Variants in EPM2A observed in about 807,000 individuals in gnomAD.
EPM2A encodes the protein laforin.
In EPM2A, 21 loss-of-function variants were observed where a neutral mutation model predicts 26.5. The observed-to-expected ratio is 0.79, with a 90% CI of 0.56 to 1.14. The LOEUF is 1.14. Ranked by LOEUF, EPM2A falls within the 50% of genes most tolerant of loss-of-function variation. The pLI is 0.00. For synonymous variants in EPM2A, 217 were observed against 177.6 expected, an observed-to-expected ratio of 1.22 and a Z score of -1.76; for missense variants, 458 against 440.8, an observed-to-expected ratio of 1.04 and a Z score of -0.35.
chr6:145,563,523 A>G (rs1780838775), intron 2 of EPM2A, among the ~76,000 whole-genome samples: 1 of 152,024 alleles, frequency 6.6e-6, no homozygotes, highest in African/African-American at 2.4e-5. Flanking sequence ...TTTGGATTTC[A>G]TGGTAAGTGC....
intron 2 of EPM2A, among the ~76,000 whole-genome samples, chr6:145,662,457 T>C (rs1778790476): frequency 6.6e-6 from 1 of 152,058 alleles, no homozygotes; most frequent in African/African-American, 2.4e-5. Flanking sequence ...AAAAAAATCA[T>C]TTAATGATAC....
chr6:145,729,966 T>C (rs1000398192), intron 1 of EPM2A, among the ~76,000 whole-genome samples: 2 of 152,166 alleles, frequency 1.3e-5, no homozygotes, highest in Non-Finnish European at 2.9e-5. Context: ...CTCATGATGA[T>C]AGTGAGTAGG....
chr6:145,442,200 T>C (rs1779072839), intron 4 of EPM2A, among the ~76,000 whole-genome samples: 1 of 152,202 alleles, frequency 6.6e-6, no homozygotes, highest in African/African-American at 2.4e-5. Flanking sequence ...CACATGTTCC[T>C]GTCTTCTTCT....
At chr6:145,477,527 C>T (rs920978222) in intron 4 of EPM2A, among the ~76,000 whole-genome samples, 3 of 151,642 alleles carry the variant, frequency 2.0e-5, no homozygotes, top group Non-Finnish European at 4.4e-5. Flanking sequence ...TGCAAAAGTC[C>T]TCAACGAAAT....
chr6:145,476,990 C>G (rs1463096002), intron 4 of EPM2A, among the ~76,000 whole-genome samples: 1 of 151,550 alleles, frequency 6.6e-6, no homozygotes, highest in Non-Finnish European at 1.5e-5. Context: ...AAATACAAAA[C>G]ATCAATGCAA....
At chr6:145,586,851 T>C (rs1781201897) in intron 2 of EPM2A, among the ~76,000 whole-genome samples, 2 of 152,146 alleles carry the variant, frequency 1.3e-5, no homozygotes, top group African/African-American at 4.8e-5. Context: ...AAACGAAACC[T>C]CACATGATTT....
intron 1 of EPM2A, among the ~76,000 whole-genome samples, chr6:145,734,245 A>C (rs1776680281): frequency 6.6e-6 from 1 of 152,218 alleles, no homozygotes; most frequent in African/African-American, 2.4e-5. Flanking sequence ...CATTTAAAAT[A>C]TACATCTACA....
intron 4 of EPM2A, among the ~76,000 whole-genome samples, chr6:145,428,210 T>C (rs1281964661): frequency 6.6e-6 from 1 of 152,064 alleles, no homozygotes; most frequent in Non-Finnish European, 1.5e-5. Context: ...TTTTGTATTT[T>C]CCTTACTATC....
intron 1 of EPM2A, among the ~76,000 whole-genome samples, chr6:145,734,265 C>T (rs1776681194): frequency 6.6e-6 from 1 of 152,018 alleles, no homozygotes; most frequent in Admixed American, 6.5e-5. Flanking sequence ...ATGTAAAATA[C>T]ATATCTACGT....
chr6:145,543,529 A>T (rs184750604), intron 2 of EPM2A, among the ~76,000 whole-genome samples: 1 of 152,320 alleles, frequency 6.6e-6, no homozygotes, highest in Admixed American at 6.5e-5. Flanking sequence ...ACTAGAAAAA[A>T]AAATAAAGTT....
chr6:145,478,856 G>A (rs1779577218), intron 4 of EPM2A, among the ~76,000 whole-genome samples: 1 of 151,660 alleles, frequency 6.6e-6, no homozygotes, highest in Admixed American at 6.6e-5. Context: ...AATGTAGTCT[G>A]TATGATAATA....
rs192656584 is a variant in EPM2A, at chr6:145,564,008, T to C, written c.341-61433A>G. On this transcript the variant is annotated intron_variant, in intron 2 of 3. Transcript: ENST00000450221. Reference sequence around the variant, plus strand: ...TGGTGTAGTATTTGCATATAATCTATGCATATCCTATCATCTACTGTAAAT... The same window carrying C: ...TGGTGTAGTATTTGCATATAATCTACGCATATCCTATCATCTACTGTAAAT... Among the ~76,000 whole-genome samples the C allele has an allele frequency of 8.5e-5, 13 of 152,324 alleles. No homozygotes were observed. The East Asian group carries it at 2.5e-3, about 29-fold the overall frequency.
At chr6:145,714,924 A>G (rs1456185682) in intron 1 of EPM2A, among the ~76,000 whole-genome samples, 2 of 152,142 alleles carry the variant, frequency 1.3e-5, no homozygotes, top group Non-Finnish European at 2.9e-5. Context: ...CAAGTAAGAA[A>G]ATTATTTAAC....
At chr6:145,561,551 A>G (rs989127536) in intron 2 of EPM2A, among the ~76,000 whole-genome samples, 38 of 152,260 alleles carry the variant, frequency 2.5e-4, no homozygotes, top group African/African-American at 8.9e-4. Flanking sequence ...CTACCCTATT[A>G]AGGACACACA....
chr6:145,626,892 CA>C lies in EPM2A; in HGVS notation c.*523del. 2.0e-6 allele frequency: 2 copies of C among 994,758 alleles called. No homozygotes were observed. Among genetic ancestry groups the C allele is most frequent in the Non-Finnish European group, 2.4e-6 (2 of 834,982 alleles). 61.6% of individuals were successfully genotyped at this position (994,758 alleles called of 1,614,324 possible). On this transcript the variant is annotated 3_prime_UTR_variant, in exon 4 of 4. Transcript: ENST00000367519. Reference sequence around the variant, plus strand: ...AACAACTGTGAGGCAGGATAAAAAACAAGTCCTGAAAGCCATCACTTTTTGA... The same window carrying C: ...AACAACTGTGAGGCAGGATAAAAAACAGTCCTGAAAGCCATCACTTTTTGA...
intron 3 of EPM2A, chr6:145,634,711 G>C (rs1035336632): frequency 6.4e-6 from 1 of 156,212 alleles, no homozygotes; most frequent in Non-Finnish European, 1.4e-5. Context: ...CTTCTAAGCT[G>C]CTGCTTCTGC....
chr6:145,406,732 T>C (rs1321319900), intron 4 of EPM2A, among the ~76,000 whole-genome samples: 1 of 152,180 alleles, frequency 6.6e-6, no homozygotes, highest in Non-Finnish European at 1.5e-5. Flanking sequence ...ACCTTCAGGC[T>C]AGAAAACTTC....
intron 2 of EPM2A, among the ~76,000 whole-genome samples, chr6:145,652,573 A>T (rs1459220649): frequency 1.3e-5 from 2 of 152,022 alleles, no homozygotes; most frequent in Non-Finnish European, 1.5e-5. Flanking sequence ...TATAGCCAGC[A>T]CCTAGATCCA....
upstream of EPM2A, chr6:145,735,570 C>T: frequency 1.8e-6 from 2 of 1,103,264 alleles, no homozygotes; most frequent in East Asian, 5.2e-5. Flanking sequence ...GAGCACTAGG[C>T]GGCCGCAGCG....
Sources: allele counts gnomAD v4.1 joint callset (sites outside exome capture counted in the v4.1 genomes callset), GRCh38; gene constraint gnomAD v4.1.1; transcripts MANE v1.5; gene names NCBI Gene and HGNC (gene_info 2026-07-23, HGNC 2026-07-21).